STPG4: variants seen among roughly 807,000 people sequenced by gnomAD.
The protein encoded by STPG4 is sperm-tail PG-rich repeat containing 4, also known as protein STPG4.
STPG4 carries 41 observed loss-of-function variants against 31.5 expected under a neutral mutation model. The ratio of observed to expected loss-of-function variants is 1.30; its 90% confidence interval spans 1.01 to 1.69. The LOEUF is 1.69. Ranked by LOEUF, STPG4 falls within the 40% of genes most tolerant of loss-of-function variation. The pLI is 0.00. For missense variants in STPG4, 375 were observed against 293.4 expected, an observed-to-expected ratio of 1.28 and a Z score of -2.03; for synonymous variants, 141 against 103.0, an observed-to-expected ratio of 1.37 and a Z score of -2.24.
At chr2:47,107,258 C>T (rs1685931603) in intron 5 of STPG4, among the ~76,000 whole-genome samples, 1 of 152,102 alleles carries the variant, frequency 6.6e-6, no homozygotes, top group Non-Finnish European at 1.5e-5. Context: ...CCGGCTCCCT[C>T]AGCTTGCAGG....
intron 5 of STPG4, among the ~76,000 whole-genome samples, chr2:47,099,588 G>A (rs138983855): frequency 9.6e-4 from 147 of 152,376 alleles, no homozygotes; most frequent in African/African-American, 2.8e-3. Flanking sequence ...CAGAGCCCTC[G>A]CTCGCTCTCG....
At chr2:47,126,652 A>G (rs1156385773) in intron 5 of STPG4, among the ~76,000 whole-genome samples, 1 of 152,162 alleles carries the variant, frequency 6.6e-6, no homozygotes, top group East Asian at 1.9e-4. Flanking sequence ...TTGCTCATTA[A>G]TGTCCTTTCC....
At chr2:47,149,947 G>C (rs1360494623) in intron 3 of STPG4, among the ~76,000 whole-genome samples, 3 of 152,134 alleles carry the variant, frequency 2.0e-5, no homozygotes, top group Admixed American at 1.3e-4. Flanking sequence ...CCTCATTCAA[G>C]GCGAGGGGCA....
At chr2:47,151,683 GATT>G (rs1686940050) in intron 2 of STPG4, among the ~76,000 whole-genome samples, 168 bp from the exon 3 acceptor site, 1 of 151,824 alleles carries the variant, frequency 6.6e-6, no homozygotes, top group Non-Finnish European at 1.5e-5. Flanking sequence ...TCAAAATCAT[GATT>G]ATTTCCTTTC....
intron 5 of STPG4, among the ~76,000 whole-genome samples, chr2:47,098,498 T>C (rs1432747382): frequency 6.6e-6 from 1 of 152,154 alleles, no homozygotes; most frequent in Non-Finnish European, 1.5e-5. Context: ...TAGTTAGTTC[T>C]AAGCTGTTTT....
intron 3 of STPG4, among the ~76,000 whole-genome samples, chr2:47,138,588 T>C (rs545649805): frequency 6.6e-6 from 1 of 152,042 alleles, no homozygotes; most frequent in Admixed American, 6.6e-5. Context: ...TCTTGCTCTG[T>C]TGCCAGGCTG....
intron 3 of STPG4, among the ~76,000 whole-genome samples, chr2:47,134,077 T>G (rs1686546114): frequency 7.6e-6 from 1 of 132,208 alleles, no homozygotes; most frequent in Non-Finnish European, 1.8e-5. Context: ...TGACTTTATT[T>G]AGAACAGTTT....
intron 5 of STPG4, among the ~76,000 whole-genome samples, chr2:47,112,709 C>A (rs182562822): frequency 3.7e-4 from 56 of 152,260 alleles, no homozygotes; most frequent in Non-Finnish European, 7.2e-4. Context: ...GCAGCCTATT[C>A]TAAGTCAACA....
intron 5 of STPG4, chr2:47,129,284 C>T (rs977487130): frequency 6.6e-6 from 1 of 152,462 alleles, no homozygotes; most frequent in Non-Finnish European, 1.5e-5. Context: ...TTGGCTGCCC[C>T]AGCTGGTGTC....
chr2:47,146,403 A>G (rs1686821027), intron 3 of STPG4, among the ~76,000 whole-genome samples: 2 of 152,152 alleles, frequency 1.3e-5, no homozygotes, highest in South Asian at 4.1e-4. Flanking sequence ...CAAGCTTGAC[A>G]AAACCAGGAT....
At chr2:47,142,857 T>TTC (rs1444376587) in intron 3 of STPG4, among the ~76,000 whole-genome samples, 1 of 148,686 alleles carries the variant, frequency 6.7e-6, no homozygotes, top group Non-Finnish European at 1.5e-5. Flanking sequence ...TTTTTTTTTT[T>TTC]TTTGAGACAG....
chr2:47,107,447 TG>T (rs1407124405), intron 5 of STPG4, among the ~76,000 whole-genome samples: 1 of 152,168 alleles, frequency 6.6e-6, no homozygotes, highest in East Asian at 1.9e-4. Context: ...GAGGGTGTAC[TG>T]GGTCCCCCAG....
chr2:47,147,815 T>C (rs1686855262), intron 3 of STPG4, among the ~76,000 whole-genome samples: 3 of 152,120 alleles, frequency 2.0e-5, no homozygotes, highest in African/African-American at 7.2e-5. Flanking sequence ...TATTCTACAA[T>C]GTGAATATAC....
At chr2:47,105,567 C>T (rs13033635) in intron 5 of STPG4, among the ~76,000 whole-genome samples, 8,309 of 152,024 alleles carry the variant, frequency 0.055, 428 homozygotes, top group African/African-American at 0.11. Context: ...TCCAGACTTA[C>T]GCTGCCTGAG....
intron 5 of STPG4, among the ~76,000 whole-genome samples, chr2:47,090,712 G>A (rs557518492): frequency 3.0e-4 from 46 of 152,312 alleles, no homozygotes; most frequent in South Asian, 2.7e-3. Flanking sequence ...CATGCCTCAT[G>A]CCGTACTTCT....
At chr2:47,111,791 A>G (rs1334145459) in intron 5 of STPG4, among the ~76,000 whole-genome samples, 2 of 152,268 alleles carry the variant, frequency 1.3e-5, no homozygotes, top group Admixed American at 1.3e-4. Context: ...ATGCTGATCC[A>G]TCACCAATGA....
At chr2:47,096,084 G>A (rs1212630676) in intron 5 of STPG4, among the ~76,000 whole-genome samples, 1 of 152,186 alleles carries the variant, frequency 6.6e-6, no homozygotes, top group East Asian at 1.9e-4. Context: ...TTATAACATT[G>A]TTATTTAAGG....
At chr2:47,091,254 T>C (rs760671626) in intron 5 of STPG4, among the ~76,000 whole-genome samples, 3 of 152,184 alleles carry the variant, frequency 2.0e-5, no homozygotes, top group East Asian at 1.9e-4. Flanking sequence ...GGCAGAAGCA[T>C]AAATTCGCTC....
intron 5 of STPG4, among the ~76,000 whole-genome samples, chr2:47,100,843 G>A (rs1333982464): frequency 6.6e-6 from 1 of 151,654 alleles, no homozygotes; most frequent in Non-Finnish European, 1.5e-5. Context: ...CAAGAAGGAA[G>A]AAACTCCGAA....
Sources: gnomAD v4.1 joint callset for allele counts (sites outside exome capture counted in the v4.1 genomes callset) on GRCh38, gnomAD v4.1.1 for gene constraint, MANE v1.5 for transcripts, NCBI Gene and HGNC (gene_info 2026-07-23, HGNC 2026-07-21) for gene names.